Variants in SLC6A6 observed in about 807,000 individuals in gnomAD.
SLC6A6 encodes sodium- and chloride-dependent taurine transporter.
A neutral mutation model predicts 68.8 loss-of-function variants in SLC6A6; 16 were observed. That is an observed-to-expected ratio of 0.23 (90% CI 0.16 to 0.35). SLC6A6 has a LOEUF of 0.35. Among genes scored for constraint, SLC6A6 ranks in the 10% least tolerant of loss-of-function variants. The pLI, the probability that SLC6A6 is intolerant of heterozygous loss-of-function variation, is 1.00. For missense variants in SLC6A6, 474 were observed against 802.8 expected (o/e 0.59, Z 4.95); for synonymous variants, 312 against 315.4 (o/e 0.99, Z 0.12).
At chr3:14,410,957 A>T (rs536689866) in intron 1 of SLC6A6, 2 of 152,430 alleles carry the variant, frequency 1.3e-5, no homozygotes, top group South Asian at 4.1e-4. Flanking sequence ...AGTCAGCACC[A>T]TGAGGGAAGA....
chr3:14,475,758 C>T (rs112539404), intron 10 of SLC6A6, among the ~76,000 whole-genome samples: 8 of 152,310 alleles, frequency 5.3e-5, no homozygotes, highest in African/African-American at 1.7e-4. Flanking sequence ...TTTGAGCTGC[C>T]GGTTTGCTAT....
At chr3:14,462,598 C>G (rs1402428603) in intron 6 of SLC6A6, among the ~76,000 whole-genome samples, 1 of 152,050 alleles carries the variant, frequency 6.6e-6, no homozygotes, top group Admixed American at 6.6e-5. Flanking sequence ...ACTCAGGAGG[C>G]TGAGGTAGGA....
chr3:14,407,718 C>CT (rs1374649533), intron 1 of SLC6A6, among the ~76,000 whole-genome samples: 1 of 152,068 alleles, frequency 6.6e-6, no homozygotes, highest in Non-Finnish European at 1.5e-5. Flanking sequence ...TGTTGCCAGG[C>CT]TGGTGTCAAA....
intron 6 of SLC6A6, among the ~76,000 whole-genome samples, chr3:14,464,352 T>C (rs1700566166): frequency 6.6e-6 from 1 of 152,162 alleles, no homozygotes; most frequent in African/African-American, 2.4e-5. Flanking sequence ...CCTGGGCAAG[T>C]GATGGACTCT....
At chr3:14,469,055 G>C (rs1700693397) in intron 9 of SLC6A6, among the ~76,000 whole-genome samples, 1 of 152,102 alleles carries the variant, frequency 6.6e-6, no homozygotes, top group Non-Finnish European at 1.5e-5. Context: ...TTGAGGTCCT[G>C]GGTCTGTAGC....
At chr3:14,426,526 C>T (rs577862107) in intron 2 of SLC6A6, among the ~76,000 whole-genome samples, 5 of 152,282 alleles carry the variant, frequency 3.3e-5, no homozygotes, top group Admixed American at 2.0e-4. Context: ...TACACAGTCT[C>T]GCTACTTTCG....
At chr3:14,421,202 G>C (rs1699478549) in intron 2 of SLC6A6, among the ~76,000 whole-genome samples, 1 of 152,192 alleles carries the variant, frequency 6.6e-6, no homozygotes, top group South Asian at 2.1e-4. Flanking sequence ...CCCCCAGTCT[G>C]CCAGCCTTTC....
intron 2 of SLC6A6, among the ~76,000 whole-genome samples, 196 bp downstream of exon 2, chr3:14,416,649 C>G (rs1699368957): frequency 6.6e-6 from 1 of 152,206 alleles, no homozygotes; most frequent in Non-Finnish European, 1.5e-5. Flanking sequence ...TCTGTGCCTG[C>G]TTGGTCCCCA....
chr3:14,433,319 A>G (rs1264373916), intron 2 of SLC6A6, among the ~76,000 whole-genome samples: 1 of 152,104 alleles, frequency 6.6e-6, no homozygotes, highest in Non-Finnish European at 1.5e-5. Context: ...CTTTCAAAGC[A>G]TGGCTTCACC....
rs559883452 is a variant in SLC6A6 at position 14,419,562 on chromosome 3, C to T, written c.-12+3109C>T. On this transcript the variant is annotated intron_variant, in intron 2 of 14. Coordinates refer to ENST00000622186, the MANE Select transcript of SLC6A6 (RefSeq NM_003043.6). ...GTTCAAATCTCTGTTCCAGCCCTGC[C>T]GGCTTCGTGACCTGGAGGAGTCACA... Among the ~76,000 whole-genome samples the T allele has an allele frequency of 4.6e-5, 7 of 152,300 alleles. No individual in the cohort carries two copies. In the East Asian group the frequency reaches 7.7e-4, roughly 17 times the overall value.
intron 9 of SLC6A6, among the ~76,000 whole-genome samples, chr3:14,469,985 C>T (rs1015081685): frequency 6.6e-6 from 1 of 152,156 alleles, no homozygotes; most frequent in Non-Finnish European, 1.5e-5. Flanking sequence ...AGTCCCCACG[C>T]CCCTTAGGGA....
chr3:14,429,281 C>A (rs1699669990), intron 2 of SLC6A6, among the ~76,000 whole-genome samples: 1 of 152,206 alleles, frequency 6.6e-6, no homozygotes, highest in African/African-American at 2.4e-5. Context: ...CTCCTCTGAG[C>A]CTCATTTTCC....
At chr3:14,438,010 T>A (rs1167781248) in intron 2 of SLC6A6, among the ~76,000 whole-genome samples, 1 of 147,460 alleles carries the variant, frequency 6.8e-6, no homozygotes, top group Non-Finnish European at 1.5e-5. Context: ...TTTTTTTTTT[T>A]TTTTTTGTAT....
intron 6 of SLC6A6, among the ~76,000 whole-genome samples, chr3:14,459,509 C>T (rs1057274557): frequency 6.6e-6 from 1 of 152,066 alleles, no homozygotes; most frequent in African/African-American, 2.4e-5. Flanking sequence ...GCAGAACCAC[C>T]CTGCCATCCT....
At chr3:14,406,195 T>C (rs528240835) in intron 1 of SLC6A6, among the ~76,000 whole-genome samples, 2 of 151,822 alleles carry the variant, frequency 1.3e-5, no homozygotes, top group East Asian at 3.9e-4. Context: ...CATATAAAAA[T>C]AGAGACAGGG....
At chr3:14,407,269 T>C (rs1699131157) in intron 1 of SLC6A6, among the ~76,000 whole-genome samples, 1 of 152,056 alleles carries the variant, frequency 6.6e-6, no homozygotes, top group Non-Finnish European at 1.5e-5. Flanking sequence ...GGGCTGGTCT[T>C]GAACTCCTGA....
intron 2 of SLC6A6, among the ~76,000 whole-genome samples, chr3:14,438,905 CA>C (rs1158605203): frequency 6.6e-6 from 1 of 152,200 alleles, no homozygotes; most frequent in South Asian, 2.1e-4. Flanking sequence ...AGGGCAGGTG[CA>C]GAGAACTCTC....
chr3:14,409,844 C>G (rs905016860), intron 1 of SLC6A6, among the ~76,000 whole-genome samples: 1 of 152,142 alleles, frequency 6.6e-6, no homozygotes, highest in African/African-American at 2.4e-5. Flanking sequence ...GATGAGGACG[C>G]TGAGGCCCAA....
intron 2 of SLC6A6, among the ~76,000 whole-genome samples, chr3:14,416,688 G>A (rs906112342): frequency 2.0e-5 from 3 of 152,236 alleles, no homozygotes; most frequent in Non-Finnish European, 4.4e-5. Context: ...GCACAGGGAC[G>A]CCCTGCAAAT....
Sources: gnomAD v4.1 joint callset for allele counts (sites outside exome capture counted in the v4.1 genomes callset) on GRCh38, gnomAD v4.1.1 for gene constraint, MANE v1.5 for transcripts, NCBI Gene and HGNC (gene_info 2026-07-23, HGNC 2026-07-21) for gene names.